Variants in RBMS1 observed in about 807,000 individuals in gnomAD.
RBMS1 encodes the protein RNA-binding motif, single-stranded-interacting protein 1.
A neutral mutation model predicts 62.3 loss-of-function variants in RBMS1; 17 were observed. The observed-to-expected ratio is 0.27, with a 90% CI of 0.19 to 0.41. The LOEUF (loss-of-function observed/expected upper bound fraction) is 0.41. Ranked by LOEUF, RBMS1 falls within the 10% of genes least tolerant of loss-of-function variation. The pLI is 1.00. For synonymous variants in RBMS1, 172 were observed against 170.0 expected (o/e 1.01, Z -0.09); for missense variants, 334 against 504.5 (o/e 0.66, Z 3.24).
chr2:160,361,277 G>C (rs888214589), intron 2 of RBMS1, among the ~76,000 whole-genome samples: 1 of 152,176 alleles, frequency 6.6e-6, no homozygotes, highest in Admixed American at 6.5e-5. Context: ...ACCCGGCCTT[G>C]GCCAACAGAG....
At chr2:160,438,168 G>A (rs987826934) in intron 1 of RBMS1, among the ~76,000 whole-genome samples, 1 of 151,870 alleles carries the variant, frequency 6.6e-6, no homozygotes, top group Non-Finnish European at 1.5e-5. Context: ...TATTCTTCGA[G>A]ATCATTATAG....
At chr2:160,381,091 G>A (rs1694263046) in intron 1 of RBMS1, among the ~76,000 whole-genome samples, 1 of 152,018 alleles carries the variant, frequency 6.6e-6, no homozygotes, top group Non-Finnish European at 1.5e-5. Context: ...GTAGAAACTT[G>A]GTCTGCCTTA....
rs546617614 is a variant in RBMS1, at chr2:160,447,106, T to G, written c.75+46183A>C. Among the ~76,000 whole-genome samples the G allele has an allele frequency of 2.0e-5, 3 of 152,346 alleles. No individual in the cohort carries two copies. The South Asian group carries it at 6.2e-4, about 32-fold the overall frequency. On this transcript the variant is annotated intron_variant, in intron 1 of 13. Transcript: ENST00000348849. ...TCTTAAGGACACAGTGAAAGTTTACTTCTCATTTATATTCCAGTTCAATAG... is the reference window on the plus strand; with the variant it reads ...TCTTAAGGACACAGTGAAAGTTTACGTCTCATTTATATTCCAGTTCAATAG...
At chr2:160,286,330 T>A (rs1392281397) in intron 7 of RBMS1, among the ~76,000 whole-genome samples, 21 of 147,970 alleles carry the variant, frequency 1.4e-4, no homozygotes, top group Non-Finnish European at 2.8e-4. Context: ...ATTTTGTTTT[T>A]TTTTTTTGAG....
intron 2 of RBMS1, among the ~76,000 whole-genome samples, chr2:160,321,947 T>C (rs1013474265): frequency 3.3e-5 from 5 of 152,222 alleles, no homozygotes; most frequent in Admixed American, 2.0e-4. Flanking sequence ...CCATTACCTA[T>C]TCTACCCATG....
chr2:160,348,063 T>C (rs1692284290), intron 2 of RBMS1, among the ~76,000 whole-genome samples: 1 of 152,048 alleles, frequency 6.6e-6, no homozygotes, highest in Admixed American at 6.6e-5. Flanking sequence ...TCTAATTTTA[T>C]TACCGGAAAA....
chr2:160,407,923 G>T (rs1695847474), intron 1 of RBMS1: 2 of 980,162 alleles, frequency 2.0e-6, no homozygotes, highest in Non-Finnish European at 1.2e-6. Flanking sequence ...CCGGCCGGGG[G>T]CGGGGAGGCG....
intron 4 of RBMS1, among the ~76,000 whole-genome samples, chr2:160,308,575 AATG>A (rs1339649479): frequency 6.6e-6 from 1 of 152,152 alleles, no homozygotes; most frequent in African/African-American, 2.4e-5. Flanking sequence ...TTGTAACTAT[AATG>A]ATATCATAAA....
intron 1 of RBMS1, among the ~76,000 whole-genome samples, chr2:160,410,100 T>C (rs1439820153): frequency 6.6e-6 from 1 of 150,518 alleles, no homozygotes; most frequent in Non-Finnish European, 1.5e-5. Flanking sequence ...CGGGCGCCTG[T>C]AGTCCCAGCT....
At chr2:160,319,327 C>T (rs1690414358) in intron 2 of RBMS1, among the ~76,000 whole-genome samples, 1 of 152,162 alleles carries the variant, frequency 6.6e-6, no homozygotes, top group Non-Finnish European at 1.5e-5. Flanking sequence ...GCTTGGCCAA[C>T]ATGGCAAAAC....
chr2:160,315,440 A>G (rs1362248839), intron 3 of RBMS1, among the ~76,000 whole-genome samples: 1 of 152,212 alleles, frequency 6.6e-6, no homozygotes, highest in East Asian at 1.9e-4. Flanking sequence ...GAGGCTTCCC[A>G]GGAGAATTCC....
Position 160,390,421 on chromosome 2 carries a change from T to C in RBMS1, c.76-23030A>G, listed in dbSNP as rs147099405. On this transcript the variant is annotated intron_variant, in intron 1 of 13. Transcript: ENST00000348849. ...AAAGAAAGGAAGGGCTCAAGACTGA[T>C]GGCTCATGCCTGTAATCTCAACACT... 3.3e-3 allele frequency among the ~76,000 whole-genome samples: 508 copies of C among 152,312 alleles called. 3 individuals carry two copies. The highest frequency in any genetic ancestry group is 0.012 in the African/African-American group (488 of 41,558).
intron 4 of RBMS1, among the ~76,000 whole-genome samples, chr2:160,307,323 G>T (rs1347486681): frequency 6.7e-6 from 1 of 149,546 alleles, no homozygotes; most frequent in Non-Finnish European, 1.5e-5. Flanking sequence ...GATGGAGAGG[G>T]GGGATTATAT....
intron 1 of RBMS1, among the ~76,000 whole-genome samples, chr2:160,397,922 C>T (rs576471796): frequency 1.3e-5 from 2 of 152,308 alleles, no homozygotes; most frequent in Admixed American, 6.5e-5. Context: ...TAAGGCTCCC[C>T]CCTACTCCTG....
intron 1 of RBMS1, among the ~76,000 whole-genome samples, chr2:160,450,564 G>GAAAAAAAAAAAAAAAAAAAAAAAA (rs1181640365): frequency 3.5e-5 from 2 of 56,582 alleles, no homozygotes; most frequent in African/African-American, 8.1e-5. Context: ...AATAAAAAAT[G>GAAAAAAAAAAAAAAAAAAAAAAAA]AAAAAAAAAA....
At chr2:160,295,151 TG>T (rs1688873896) in intron 6 of RBMS1, among the ~76,000 whole-genome samples, 1 of 152,230 alleles carries the variant, frequency 6.6e-6, no homozygotes, top group Admixed American at 6.5e-5. Flanking sequence ...CTTCCAAGTC[TG>T]GCATTATACA....
At chr2:160,435,548 C>A (rs1683074878) in intron 1 of RBMS1, among the ~76,000 whole-genome samples, 1 of 152,138 alleles carries the variant, frequency 6.6e-6, no homozygotes, top group African/African-American at 2.4e-5. Flanking sequence ...ATAGGAATGG[C>A]AGATTTTTAT....
At chr2:160,414,681 C>A (rs942738514) in intron 1 of RBMS1, among the ~76,000 whole-genome samples, 2 of 152,154 alleles carry the variant, frequency 1.3e-5, no homozygotes, top group South Asian at 4.1e-4. Context: ...TCAAAGCTGA[C>A]AGCAATTTTT....
intron 1 of RBMS1, among the ~76,000 whole-genome samples, chr2:160,399,499 G>C (rs541085238): frequency 6.8e-6 from 1 of 147,246 alleles, no homozygotes; most frequent in South Asian, 2.2e-4. Flanking sequence ...CATGCCACCA[G>C]TTTACTTCGC....
Sources: allele counts gnomAD v4.1 joint callset (sites outside exome capture counted in the v4.1 genomes callset), GRCh38; gene constraint gnomAD v4.1.1; transcripts MANE v1.5; gene names NCBI Gene and HGNC (gene_info 2026-07-23, HGNC 2026-07-21).